Variants in HMCN1 observed in about 807,000 individuals in gnomAD.
HMCN1 encodes hemicentin 1.
A neutral mutation model predicts 625.9 loss-of-function variants in HMCN1; 321 were observed. The observed-to-expected ratio is 0.51, with a 90% confidence interval of 0.47 to 0.56. The LOEUF (loss-of-function observed/expected upper bound fraction) is 0.56. HMCN1 is among the 20% of genes least tolerant of loss of function. The pLI, the probability that HMCN1 is intolerant of heterozygous loss-of-function variation, is 0.00. For synonymous variants in HMCN1, 2,425 were observed against 2,417.6 expected (o/e 1.00, Z -0.09); for missense variants, 6,588 against 6,887.3 (o/e 0.96, Z 1.54).
intron 52 of HMCN1, among the ~76,000 whole-genome samples, chr1:186,073,170 C>T (rs771173081): frequency 1.3e-5 from 2 of 151,980 alleles, no homozygotes; most frequent in African/African-American, 2.4e-5. Flanking sequence ...GAGCAGGGAG[C>T]GTAGTGTCCC....
intron 103 of HMCN1, among the ~76,000 whole-genome samples, chr1:186,175,063 C>T (rs1652475858): frequency 1.3e-5 from 2 of 152,138 alleles, no homozygotes; most frequent in Admixed American, 1.3e-4. Context: ...TAGGGACACA[C>T]AATTTAAATA....
chr1:185,735,612 CA>C (rs1213641509), intron 1 of HMCN1, among the ~76,000 whole-genome samples: 1 of 152,188 alleles, frequency 6.6e-6, no homozygotes, highest in Non-Finnish European at 1.5e-5. Flanking sequence ...ACCAGGGCAT[CA>C]TTAGATAGGT....
At chr1:185,919,497 GCA>G (rs1409097018) in intron 6 of HMCN1, among the ~76,000 whole-genome samples, 20 of 152,250 alleles carry the variant, frequency 1.3e-4, no homozygotes, top group South Asian at 8.3e-4. Flanking sequence ...ATGTCAGAAA[GCA>G]CCTTGTGCTT....
rs74134306 is a variant in HMCN1 at position 185,867,750 on chromosome 1, T to C, written c.621+1887T>C. Reference sequence around the variant, plus strand: ...AGAATAGTTGCTCAATGGGACCTGTTTGTGAGCAGTCAGACACCACTTAGA... The same window carrying C: ...AGAATAGTTGCTCAATGGGACCTGTCTGTGAGCAGTCAGACACCACTTAGA... On this transcript the variant is annotated intron_variant, in intron 4 of 106. Coordinates refer to ENST00000271588, the MANE Select transcript of HMCN1 (RefSeq NM_031935.3). Among the ~76,000 whole-genome samples, 1,104 of 152,100 alleles carry C rather than the reference T, an allele frequency of 7.3e-3. 14 individuals carry two copies. The highest frequency in any genetic ancestry group is 0.024 in the African/African-American group (990 of 41,510).
chr1:185,843,171 TC>T (rs1238273555), intron 1 of HMCN1, among the ~76,000 whole-genome samples: 1 of 152,248 alleles, frequency 6.6e-6, no homozygotes, highest in African/African-American at 2.4e-5. Context: ...GTAGGAATGA[TC>T]TCTGCATTTT....
intron 1 of HMCN1, among the ~76,000 whole-genome samples, chr1:185,783,239 C>G (rs906746569): frequency 6.6e-6 from 1 of 152,126 alleles, no homozygotes; most frequent in Non-Finnish European, 1.5e-5. Context: ...TTCTAGTTAC[C>G]CATTCATCTA....
intron 41 of HMCN1, among the ~76,000 whole-genome samples, chr1:186,046,973 G>C (rs1182648056): frequency 1.3e-5 from 2 of 152,074 alleles, no homozygotes; most frequent in Non-Finnish European, 2.9e-5. Flanking sequence ...CCCAGACTAT[G>C]GCTTCAGAAC....
chr1:185,954,408 TCTC>T (rs567817707), intron 11 of HMCN1, among the ~76,000 whole-genome samples: 200 of 152,264 alleles, frequency 1.3e-3, no homozygotes, highest in Non-Finnish European at 2.1e-3. Flanking sequence ...GTATCTTTCT[TCTC>T]CTGAGTACTG....
intron 1 of HMCN1, among the ~76,000 whole-genome samples, chr1:185,833,228 T>C (rs1450879997): frequency 6.6e-6 from 1 of 152,202 alleles, no homozygotes; most frequent in Non-Finnish European, 1.5e-5. Flanking sequence ...TATTCCAGGT[T>C]GTTCTCTTCC....
chr1:186,111,951 A>G (rs1660908252), intron 71 of HMCN1, among the ~76,000 whole-genome samples: 2 of 152,228 alleles, frequency 1.3e-5, no homozygotes, highest in African/African-American at 4.8e-5. Context: ...TATTTGGGCT[A>G]TTCCTGAAAT....
At chr1:185,946,420 T>A (rs1668350060) in intron 11 of HMCN1, among the ~76,000 whole-genome samples, 1 of 152,202 alleles carries the variant, frequency 6.6e-6, no homozygotes, top group Non-Finnish European at 1.5e-5. Context: ...GTGTAAAACT[T>A]CAGAAGTCTC....
intron 46 of HMCN1, among the ~76,000 whole-genome samples, chr1:186,060,583 CA>C (rs1657624177): frequency 6.6e-6 from 1 of 152,154 alleles, no homozygotes; most frequent in East Asian, 1.9e-4. Flanking sequence ...AATATTTCTT[CA>C]AACAAAATGT....
At chr1:185,755,403 G>C (rs1655068024) in intron 1 of HMCN1, among the ~76,000 whole-genome samples, 2 of 152,208 alleles carry the variant, frequency 1.3e-5, no homozygotes, top group African/African-American at 4.8e-5. Flanking sequence ...GGTTGTCCAG[G>C]ATGGCTCAGG....
At chr1:186,145,672 T>C (rs1416499778) in intron 92 of HMCN1, 81 bp from the exon 93 acceptor site, 7 of 1,611,326 alleles carry the variant, frequency 4.3e-6, no homozygotes, top group African/African-American at 1.3e-5. Context: ...GAAAGTTGTA[T>C]AGGCAGGGGC....
chr1:185,847,381 C>T (rs530042106), intron 2 of HMCN1, among the ~76,000 whole-genome samples: 1 of 152,234 alleles, frequency 6.6e-6, no homozygotes, highest in South Asian at 2.1e-4. Flanking sequence ...TAAAATCTTC[C>T]TTTCTTCTCA....
intron 70 of HMCN1, among the ~76,000 whole-genome samples, chr1:186,107,748 G>T (rs891003416): frequency 6.6e-6 from 1 of 151,798 alleles, no homozygotes; most frequent in African/African-American, 2.4e-5. Flanking sequence ...TTCTGTAAGT[G>T]CACTTGCTTG....
intron 1 of HMCN1, among the ~76,000 whole-genome samples, chr1:185,780,489 A>G (rs896889562): frequency 6.6e-6 from 1 of 152,196 alleles, no homozygotes; most frequent in South Asian, 2.1e-4. Context: ...TGGGTTTGTC[A>G]TAAATAGCTC....
At chr1:186,173,455 G>T (rs565788180) in intron 102 of HMCN1, among the ~76,000 whole-genome samples, 207 of 151,796 alleles carry the variant, frequency 1.4e-3, no homozygotes, top group African/African-American at 4.8e-3. Context: ...AGCCTGGCCA[G>T]CATGGTGGAA....
Position 186,151,197 on chromosome 1 carries a change from T to C in HMCN1, c.14609-3T>C. ...CCAGGAATGTTTTTTTTTCCCCCAA[T>C]AGGTGGGCCCCAGCGAGCCAGAGGA... is the stretch of plus-strand genomic sequence containing the variant. On this transcript the variant is annotated splice_polypyrimidine_tract_variant and splice_region_variant and intron_variant, in intron 93 of 106. Transcript: ENST00000271588. 6.2e-7 allele frequency: 1 copy of C among 1,613,492 alleles called. No individual in the cohort carries two copies. The highest frequency in any genetic ancestry group is 8.5e-7 in the Non-Finnish European group (1 of 1,179,608).
Sources: allele counts gnomAD v4.1 joint callset (sites outside exome capture counted in the v4.1 genomes callset), GRCh38; gene constraint gnomAD v4.1.1; transcripts MANE v1.5; gene names NCBI Gene and HGNC (gene_info 2026-07-23, HGNC 2026-07-21).